ITGB1BP1: variants seen among roughly 807,000 people sequenced by gnomAD.
The protein encoded by ITGB1BP1 is integrin subunit beta 1 binding protein 1.
Under a neutral mutation model 28.0 loss-of-function variants are expected in ITGB1BP1, and 20 were observed. The ratio of observed to expected loss-of-function variants is 0.71; its 90% confidence interval spans 0.50 to 1.04. ITGB1BP1 has a LOEUF of 1.04. Ranked by LOEUF, ITGB1BP1 falls within the 50% of genes least tolerant of loss-of-function variation. The pLI is 0.00. For missense variants in ITGB1BP1, 228 were observed against 242.5 expected, an observed-to-expected ratio of 0.94 and a Z score of 0.40; for synonymous variants, 103 against 89.5, an observed-to-expected ratio of 1.15 and a Z score of -0.85.
At position 9,404,470 on chromosome 2, in the gene ITGB1BP1, A is replaced by G. The variant is rs1316444982; in HGVS notation, c.*2364T>C. 6.6e-6 allele frequency: 1 copy of G among 152,264 alleles called. No homozygotes were observed. Among genetic ancestry groups the G allele is most frequent in the Admixed American group, 6.5e-5 (1 of 15,284 alleles). 9.4% of individuals were successfully genotyped at this position (152,264 alleles called of 1,614,324 possible). On this transcript the variant is annotated 3_prime_UTR_variant, in exon 7 of 7. Transcript: ENST00000355346. ...GTAGTAGAGGATTAGGTTGTCTATT[A>G]TAAAACCAAAACTCATTCGTTTAAT...
intron 1 of ITGB1BP1, among the ~76,000 whole-genome samples, chr2:9,420,947 G>A (rs1221854204): frequency 6.6e-6 from 1 of 152,206 alleles, no homozygotes; most frequent in Non-Finnish European, 1.5e-5. Flanking sequence ...GGTGATTGCT[G>A]CAAAGGGGAA....
At position 9,423,412 on chromosome 2, in the gene ITGB1BP1, G is replaced by A. The variant is rs1680157184; in HGVS notation, c.-75C>T. ...CCCATCCCCGGGTTGCGGACTTCGG[G>A]GTCCGCGTGGGAGTGCCGCGGCCTT... On this transcript the variant is annotated 5_prime_UTR_variant, in exon 1 of 7. Coordinates refer to ENST00000355346, the MANE Select transcript of ITGB1BP1 (RefSeq NM_004763.5). 4 of 1,143,292 alleles carry A rather than the reference G, an allele frequency of 3.5e-6. No homozygotes were observed. Among genetic ancestry groups the A allele is most frequent in the South Asian group, 1.7e-5 (1 of 57,692 alleles). The allele number at this position is 1,143,292 out of a possible 1,614,324, so 70.8% of individuals were successfully genotyped here.
intron 4 of ITGB1BP1, among the ~76,000 whole-genome samples, chr2:9,409,208 G>A (rs890522871): frequency 6.6e-6 from 1 of 152,242 alleles, no homozygotes; most frequent in African/African-American, 2.4e-5. Flanking sequence ...AACGTAAGAC[G>A]CTGTTGGCAA....
intron 4 of ITGB1BP1, among the ~76,000 whole-genome samples, chr2:9,409,902 T>A (rs1237142164): frequency 6.8e-6 from 1 of 146,084 alleles, no homozygotes; most frequent in African/African-American, 2.5e-5. Flanking sequence ...TGGAGTGCAA[T>A]GGCGCGATCT....
Position 9,423,401 on chromosome 2 carries a change from G to A in ITGB1BP1, c.-64C>T. The A allele has an allele frequency of 8.8e-7, 1 of 1,142,712 alleles. No homozygotes were observed. Among genetic ancestry groups the A allele is most frequent in the Non-Finnish European group, 1.1e-6 (1 of 920,790 alleles). 70.8% of individuals were successfully genotyped at this position (1,142,712 alleles called of 1,614,324 possible). ...GCAGCCGCGGGCCCATCCCCGGGTTGCGGACTTCGGGGTCCGCGTGGGAGT... is the reference window on the plus strand; with the variant it reads ...GCAGCCGCGGGCCCATCCCCGGGTTACGGACTTCGGGGTCCGCGTGGGAGT... On this transcript the variant is annotated 5_prime_UTR_variant, in exon 1 of 7. Transcript: ENST00000355346.
At chr2:9,409,841 CTT>C (rs1036594187) in intron 4 of ITGB1BP1, among the ~76,000 whole-genome samples, 12 of 123,160 alleles carry the variant, frequency 9.7e-5, no homozygotes, top group Non-Finnish European at 1.2e-4. Context: ...ACCGTGAGTT[CTT>C]TTTTTTTTTT....
At chr2:9,407,860 T>A (rs1025887333) in intron 5 of ITGB1BP1, 8 of 573,872 alleles carry the variant, frequency 1.4e-5, no homozygotes, top group Non-Finnish European at 2.1e-5. Context: ...GGGCCCTTAG[T>A]TGAAAATGCA....
intron 6 of ITGB1BP1, 160 bp downstream of exon 6, chr2:9,407,289 T>G (rs1476511717): frequency 6.5e-6 from 5 of 764,896 alleles, no homozygotes; most frequent in Non-Finnish European, 1.1e-5. Flanking sequence ...ACCTGCACTG[T>G]CTTGCCAGCC....
chr2:9,410,317 G>A (rs13001298), intron 4 of ITGB1BP1, among the ~76,000 whole-genome samples: 1 of 151,446 alleles, frequency 6.6e-6, no homozygotes, highest in South Asian at 2.1e-4. Context: ...CTGCAACTTT[G>A]ACTTCCTGGG....
At chr2:9,408,453 T>C in intron 4 of ITGB1BP1, 1 of 361,586 alleles carries the variant, frequency 2.8e-6, no homozygotes, top group South Asian at 3.8e-5. Flanking sequence ...AGTGGCATGA[T>C]CTCAGCTCGT....
chr2:9,422,948 C>G, intron 1 of ITGB1BP1: 2 of 986,242 alleles, frequency 2.0e-6, no homozygotes, highest in Non-Finnish European at 2.4e-6. Flanking sequence ...TCCTCCCAGA[C>G]GCCAGCCTGC....
rs560180651 is a variant in ITGB1BP1 at position 9,413,572 on chromosome 2, C to T, written c.151+606G>A. 2.0e-5 allele frequency among the ~76,000 whole-genome samples: 3 copies of T among 152,240 alleles called. No individual in the cohort carries two copies. The South Asian group carries it at 6.2e-4, about 32-fold the overall frequency. ...CTCAAACTCCTGACCTCAGGTGATC[C>T]ACCTGCCTTGGACCCCCGAAGTGCT... On this transcript the variant is annotated intron_variant, in intron 3 of 6. Transcript: ENST00000355346.
At chr2:9,407,643 G>C in intron 5 of ITGB1BP1, 45 bp from the exon 6 acceptor site, 1 of 1,607,756 alleles carries the variant, frequency 6.2e-7, no homozygotes, top group Non-Finnish European at 8.5e-7. Flanking sequence ...ACTCTCAAAT[G>C]TTTGTCAGTC....
chr2:9,407,430 C>T lies in ITGB1BP1; in HGVS notation c.531+19G>A. On this transcript the variant is annotated intron_variant, in intron 6 of 6. Transcript: ENST00000355346. Reference sequence around the variant, plus strand: ...GCGACTTGATGGGCAAGCAGCTAACCAAAGTAACGAAGTCTCACCAGGCTG... The same window carrying T: ...GCGACTTGATGGGCAAGCAGCTAACTAAAGTAACGAAGTCTCACCAGGCTG... 6.2e-7 allele frequency: 1 copy of T among 1,614,018 alleles called. No individual in the cohort carries two copies. The highest frequency in any genetic ancestry group is 1.7e-5 in the Admixed American group (1 of 60,018).
chr2:9,414,289 A>G, intron 2 of ITGB1BP1, 33 bp from the exon 3 acceptor site: 1 of 1,536,282 alleles, frequency 6.5e-7, no homozygotes, highest in Non-Finnish European at 9.0e-7. Flanking sequence ...AAAAACCTCC[A>G]CTGAAGCAGC....
chr2:9,405,581 C>T lies in ITGB1BP1; in HGVS notation c.*1253G>A, dbSNP rs1677157630. On this transcript the variant is annotated 3_prime_UTR_variant, in exon 7 of 7. Coordinates refer to ENST00000355346, the MANE Select transcript of ITGB1BP1 (RefSeq NM_004763.5). ...ACCGAAATTGATTATTTTCATTGTC[C>T]TTAATGCAGTGATTTATAATTAGAG... 6.6e-6 allele frequency: 1 copy of T among 152,552 alleles called. No individual in the cohort carries two copies. The highest frequency in any genetic ancestry group is 6.5e-5 in the Admixed American group (1 of 15,278). The allele number at this position is 152,552 out of a possible 1,614,324, so 9.4% of individuals were successfully genotyped here. A position where few individuals can be genotyped will look rare whatever the true frequency, so the allele number is the denominator to read the frequency against.
Position 9,415,384 on chromosome 2 carries a change from C to T in ITGB1BP1, c.73-1128G>A, listed in dbSNP as rs916175086. 6.6e-6 allele frequency among the ~76,000 whole-genome samples: 1 copy of T among 150,588 alleles called. No individual in the cohort carries two copies. The highest frequency in any genetic ancestry group is 6.6e-5 in the Admixed American group (1 of 15,098). On this transcript the variant is annotated intron_variant, in intron 2 of 6. Transcript: ENST00000355346. The surrounding 1 kb of genome is among the most constrained non-coding windows in gnomAD (Gnocchi z 4.1). ...ACAAGAGTGAAACTCCATCTCAAAA[C>T]AAACAAACAAAAACACACACACAAA... is the stretch of plus-strand genomic sequence containing the variant.
intron 1 of ITGB1BP1, chr2:9,422,541 A>G: frequency 9.1e-6 from 9 of 985,428 alleles, no homozygotes; most frequent in Non-Finnish European, 1.1e-5. Context: ...TAAGGGACCC[A>G]CAGCTTGAGT....
chr2:9,408,378 C>T, intron 4 of ITGB1BP1, 173 bp from the exon 5 acceptor site: 1 of 578,248 alleles, frequency 1.7e-6, no homozygotes, highest in South Asian at 2.2e-5. Context: ...CATTTCCCCC[C>T]ATTTACAAAA....
Sources: gnomAD v4.1 joint callset for allele counts (sites outside exome capture counted in the v4.1 genomes callset) on GRCh38, gnomAD v4.1.1 for gene constraint, Gnocchi (gnomAD v3.1) non-coding constraint, MANE v1.5 for transcripts, NCBI Gene and HGNC (gene_info 2026-07-23, HGNC 2026-07-21) for gene names.